NR2C2: variants seen among roughly 807,000 people sequenced by gnomAD.
NR2C2 encodes the protein nuclear receptor subfamily 2 group C member 2.
A neutral mutation model predicts 62.9 loss-of-function variants in NR2C2; 6 were observed. That is an observed-to-expected ratio of 0.10 (90% confidence interval 0.05 to 0.19). The LOEUF is 0.19. Among genes scored for constraint, NR2C2 ranks in the 10% least tolerant of loss-of-function variants. The probability of loss-of-function intolerance (pLI) is 1.00; values close to 1 mark genes in which losing one functional copy is unlikely to be tolerated. For synonymous variants in NR2C2, 272 were observed against 273.8 expected (o/e 0.99, Z 0.07); for missense variants, 479 against 762.7 (o/e 0.63, Z 4.38).
At chr3:15,040,166 CA>C (rs71268412) in intron 13 of NR2C2, among the ~76,000 whole-genome samples, 23 of 138,678 alleles carry the variant, frequency 1.7e-4, no homozygotes, top group South Asian at 2.3e-4. Flanking sequence ...TCTCAAAAAA[CA>C]AAAAAAAAAA....
intron 13 of NR2C2, 34 bp downstream of exon 13, chr3:15,039,261 G>A: frequency 7.0e-7 from 1 of 1,430,232 alleles, no homozygotes; most frequent in Non-Finnish European, 9.9e-7. Context: ...TCTTGCTTGG[G>A]GCTGCAAGGA....
intron 1 of NR2C2, among the ~76,000 whole-genome samples, chr3:14,989,924 CAAAAAAAAAAAAA>C (rs34980642): frequency 1.2e-3 from 62 of 51,028 alleles, no homozygotes; most frequent in Non-Finnish European, 1.5e-3. Flanking sequence ...GACTCCATCT[CAAAAAAAAAAAAA>C]AAAAAAAAAA....
chr3:14,952,968 C>T (rs1341960871), intron 1 of NR2C2, among the ~76,000 whole-genome samples: 2 of 152,194 alleles, frequency 1.3e-5, no homozygotes, highest in East Asian at 1.9e-4. Context: ...GGATGAAAGC[C>T]AGATCAGGGC....
chr3:14,999,753 C>T (rs934581504), intron 1 of NR2C2, among the ~76,000 whole-genome samples: 8 of 151,676 alleles, frequency 5.3e-5, no homozygotes, highest in South Asian at 2.1e-4. Context: ...CACCATTTGT[C>T]GAAGACTGTT....
chr3:15,013,531 G>T, intron 2 of NR2C2, 58 bp from the exon 3 acceptor site: 1 of 1,518,368 alleles, frequency 6.6e-7, no homozygotes, highest in Non-Finnish European at 9.1e-7. Flanking sequence ...AGCACCACCT[G>T]CAAATGCATG....
At chr3:15,042,214 T>TG (rs2042295162) in intron 13 of NR2C2, among the ~76,000 whole-genome samples, 1 of 152,278 alleles carries the variant, frequency 6.6e-6, no homozygotes, top group African/African-American at 2.4e-5. Context: ...GGCAGCATTG[T>TG]GGTGCACCCT....
intron 4 of NR2C2, among the ~76,000 whole-genome samples, chr3:15,018,084 T>G: frequency 6.6e-6 from 1 of 152,142 alleles, no homozygotes; most frequent in South Asian, 2.1e-4. Flanking sequence ...CTGCAACCTT[T>G]GCCTCCCAGA....
intron 1 of NR2C2, among the ~76,000 whole-genome samples, chr3:14,971,361 A>C (rs1213682479): frequency 6.6e-6 from 1 of 151,562 alleles, no homozygotes; most frequent in Non-Finnish European, 1.5e-5. Flanking sequence ...CAGGTGATCC[A>C]CCTGCCTTGG....
At chr3:15,008,750 A>G (rs2041262098) in intron 2 of NR2C2, among the ~76,000 whole-genome samples, 1 of 152,172 alleles carries the variant, frequency 6.6e-6, no homozygotes, top group Non-Finnish European at 1.5e-5. Context: ...TTCTGCTATA[A>G]TGTGATGTGT....
At chr3:14,981,405 C>T (rs954923398) in intron 1 of NR2C2, among the ~76,000 whole-genome samples, 1 of 152,010 alleles carries the variant, frequency 6.6e-6, no homozygotes, top group Non-Finnish European at 1.5e-5. Flanking sequence ...AGATCAAGAC[C>T]ACCCTGGCTA....
intron 1 of NR2C2, among the ~76,000 whole-genome samples, chr3:14,966,228 T>C (rs2039852319): frequency 6.6e-6 from 1 of 152,200 alleles, no homozygotes; most frequent in South Asian, 2.1e-4. Context: ...TTCCTTCCCA[T>C]AGGCCAGGGA....
chr3:15,032,020 G>T (rs193084099), intron 9 of NR2C2, among the ~76,000 whole-genome samples: 1 of 152,100 alleles, frequency 6.6e-6, no homozygotes, highest in Non-Finnish European at 1.5e-5. Flanking sequence ...TGAGCCACCC[G>T]CACCTGGCCC....
Position 15,039,863 on chromosome 3 carries a change from A to G in NR2C2, c.1616+636A>G, listed in dbSNP as rs376876756. Among the ~76,000 whole-genome samples, 461 of 152,318 alleles carry G rather than the reference A, an allele frequency of 3.0e-3. 2 individuals carry two copies. Among genetic ancestry groups the G allele is most frequent in the Middle Eastern group, 0.014 (4 of 294 alleles). On this transcript the variant is annotated intron_variant, in intron 13 of 13. Coordinates refer to ENST00000425241, the MANE Select transcript of NR2C2 (RefSeq NM_001291694.2). ...TGTGCAGTAAAAATATGTGTATAAA[A>G]ATTAGGACCGGGCACGGTGGCTCAC...
Position 14,995,668 on chromosome 3 carries a change from CGTGTGT to C in NR2C2, c.-39-8189_-39-8184del, listed in dbSNP as rs58878848. 4.0e-5 allele frequency among the ~76,000 whole-genome samples: 6 copies of C among 148,628 alleles called. No individual in the cohort carries two copies. In the South Asian group the frequency reaches 8.6e-4, roughly 21 times the overall value. On this transcript the variant is annotated intron_variant, in intron 1 of 13. Coordinates refer to ENST00000425241, the MANE Select transcript of NR2C2 (RefSeq NM_001291694.2). ...TTTTTCTGTGGACACGTTTTCATTA[CGTGTGT>C]GTGTGTGTGTGTGTGTGTACACCTA...
At chr3:15,035,197 G>A (rs1329480411) in intron 11 of NR2C2, among the ~76,000 whole-genome samples, 1 of 152,190 alleles carries the variant, frequency 6.6e-6, no homozygotes, top group African/African-American at 2.4e-5. Flanking sequence ...GGAGGCTGAG[G>A]CAGGAGGATT....
chr3:15,048,129 TTTTAAAAACAC>T lies in NR2C2; in HGVS notation c.*5126_*5136del, dbSNP rs1399459325. ...CTTTTTAAAATAAGTTATCAAAATGTTTTAAAAACACTTTATGAGACCATAGTACTCAGTGC... is the reference window on the plus strand; with the variant it reads ...CTTTTTAAAATAAGTTATCAAAATGTTTTATGAGACCATAGTACTCAGTGC... On this transcript the variant is annotated 3_prime_UTR_variant, in exon 14 of 14. Coordinates refer to ENST00000425241, the MANE Select transcript of NR2C2 (RefSeq NM_001291694.2). 6.6e-6 allele frequency: 1 copy of T among 152,664 alleles called. No homozygotes were observed. Among genetic ancestry groups the T allele is most frequent in the South Asian group, 2.1e-4 (1 of 4,834 alleles). The allele number at this position is 152,664 out of a possible 1,614,324, so 9.5% of individuals were successfully genotyped here. A position where few individuals can be genotyped will look rare whatever the true frequency, so the allele number is the denominator to read the frequency against.
Position 15,043,916 on chromosome 3 carries a change from GT to G in NR2C2, c.*909del, listed in dbSNP as rs2042359655. ...CATCCCCAAGTCACATCCGCCGCTC[GT>G]GGCAGATGGAGCCTTGTGACCAAAA... On this transcript the variant is annotated 3_prime_UTR_variant, in exon 14 of 14. Coordinates refer to ENST00000425241, the MANE Select transcript of NR2C2 (RefSeq NM_001291694.2). 6.6e-6 allele frequency: 1 copy of G among 152,226 alleles called. No individual in the cohort carries two copies. Among genetic ancestry groups the G allele is most frequent in the South Asian group, 2.1e-4 (1 of 4,838 alleles). 9.4% of individuals were successfully genotyped at this position (152,226 alleles called of 1,614,324 possible). A position where few individuals can be genotyped will look rare whatever the true frequency, so the allele number is the denominator to read the frequency against.
At chr3:14,956,956 A>T (rs1446902350) in intron 1 of NR2C2, among the ~76,000 whole-genome samples, 4 of 152,172 alleles carry the variant, frequency 2.6e-5, no homozygotes, top group East Asian at 1.9e-4. Context: ...TTACTTTCAG[A>T]TTTCTTTGAG....
At chr3:14,954,342 AATAG>A (rs1328052157) in intron 1 of NR2C2, among the ~76,000 whole-genome samples, 4 of 152,204 alleles carry the variant, frequency 2.6e-5, no homozygotes, top group African/African-American at 9.6e-5. Context: ...AAAAATTAAA[AATAG>A]ATAAAAGTAA....
Sources: gnomAD v4.1 joint callset for allele counts (sites outside exome capture counted in the v4.1 genomes callset) on GRCh38, gnomAD v4.1.1 for gene constraint, MANE v1.5 for transcripts, NCBI Gene and HGNC (gene_info 2026-07-23, HGNC 2026-07-21) for gene names.